Variants in MSL1 observed in about 807,000 individuals in gnomAD.
The protein encoded by MSL1 is male-specific lethal 1 homolog.
In MSL1, 21 loss-of-function variants were observed where a neutral mutation model predicts 64.6. The observed-to-expected ratio is 0.33, with a 90% CI of 0.23 to 0.47. The LOEUF is 0.47. Ranked by LOEUF, MSL1 falls within the 20% of genes least tolerant of loss-of-function variation. The pLI is 1.00. For synonymous variants in MSL1, 339 were observed against 329.6 expected (o/e 1.03, Z -0.31); for missense variants, 664 against 793.2 (o/e 0.84, Z 1.96).
intron 2 of MSL1, among the ~76,000 whole-genome samples, 193 bp from the exon 3 acceptor site, chr17:40,129,052 C>T (rs1176081422): frequency 6.6e-6 from 1 of 151,832 alleles, no homozygotes; most frequent in Non-Finnish European, 1.5e-5. Context: ...TTACTATGGG[C>T]CTATTTTATA....
At chr17:40,128,343 ATGTTGGCTAAAGGACCT>A (rs1327483213) in intron 2 of MSL1, among the ~76,000 whole-genome samples, 2 of 150,096 alleles carry the variant, frequency 1.3e-5, no homozygotes, top group Non-Finnish European at 3.0e-5. Flanking sequence ...GTGGTACATA[ATGTTGGCTAAAGGACCT>A]TGAATATTCT....
chr17:40,128,146 G>C (rs1988362394), intron 2 of MSL1, among the ~76,000 whole-genome samples: 1 of 152,078 alleles, frequency 6.6e-6, no homozygotes, highest in Non-Finnish European at 1.5e-5. Context: ...GGTTGGTAAA[G>C]AGGAAGGGAG....
chr17:40,126,122 A>C, intron 1 of MSL1, 61 bp from the exon 2 acceptor site: 1 of 1,454,946 alleles, frequency 6.9e-7, no homozygotes, highest in Non-Finnish European at 9.6e-7. Flanking sequence ...AAATGGGGCT[A>C]AGTATCTGTG....
Position 40,133,466 on chromosome 17 carries a change from T to C in MSL1, c.1557-68T>C. ...AGCATCTGGATTGTGTGAGTTGCTT[T>C]TATAGAGCAGGTTTTGGGTAAACAG... On this transcript the variant is annotated intron_variant, in intron 6 of 8. Transcript: ENST00000398532. The C allele has an allele frequency of 3.2e-6, 5 of 1,542,532 alleles. No individual in the cohort carries two copies. In the South Asian group the frequency reaches 4.9e-5, roughly 15 times the overall value.
intron 8 of MSL1, among the ~76,000 whole-genome samples, 168 bp from the exon 9 acceptor site, chr17:40,134,111 A>G (rs986565535): frequency 2.0e-5 from 3 of 152,224 alleles, no homozygotes; most frequent in African/African-American, 7.2e-5. Context: ...AGATGATTCC[A>G]TCACTTTAAT....
chr17:40,133,439 C>T, intron 6 of MSL1, 95 bp from the exon 7 acceptor site: 1 of 1,462,420 alleles, frequency 6.8e-7, no homozygotes, highest in African/African-American at 1.4e-5. Flanking sequence ...AAGGGTCTTC[C>T]TAGCATCTGG....
chr17:40,123,679 T>A (rs1988247496), intron 1 of MSL1, among the ~76,000 whole-genome samples: 1 of 151,980 alleles, frequency 6.6e-6, no homozygotes, highest in Non-Finnish European at 1.5e-5. Flanking sequence ...AAAGACGTGA[T>A]CTGTGAGGGG....
rs1202315365 is a variant in MSL1, at chr17:40,122,122, C to T, written c.-491C>T. On this transcript the variant is annotated 5_prime_UTR_variant, in exon 1 of 9. Coordinates refer to ENST00000398532, the MANE Select transcript of MSL1 (RefSeq NM_001365919.1). The surrounding 1 kb of genome is among the most constrained non-coding windows in gnomAD (Gnocchi z 4.2). ...GGGAGAGGCGACAGACCCCCTCTCC[C>T]GGAGTAGGAGGGCTTTGGGCGGACC... is the stretch of plus-strand genomic sequence containing the variant. 6.6e-6 allele frequency among the ~76,000 whole-genome samples: 1 copy of T among 151,044 alleles called. No homozygotes were observed. Among genetic ancestry groups the T allele is most frequent in the Non-Finnish European group, 1.5e-5 (1 of 67,604 alleles).
intron 1 of MSL1, among the ~76,000 whole-genome samples, chr17:40,125,824 A>G (rs933013531): frequency 6.6e-6 from 1 of 152,180 alleles, no homozygotes; most frequent in Non-Finnish European, 1.5e-5. Context: ...GTATACAATT[A>G]ATTCTGGAAA....
Position 40,131,702 on chromosome 17 carries a change from T to G in MSL1, c.1423+118T>G. On this transcript the variant is annotated intron_variant, in intron 4 of 8. Transcript: ENST00000398532. This position sits in a 1 kb window ranked among gnomAD's most constrained non-coding sequence, Gnocchi z 4.5. ...TGGGAGACTGAGATTTCTTGGTGTA[T>G]GATTGATTACACTACTATAGACTTC... 1 of 947,126 alleles carries G rather than the reference T, an allele frequency of 1.1e-6. No individual in the cohort carries two copies. Among genetic ancestry groups the G allele is most frequent in the South Asian group, 1.3e-5 (1 of 76,802 alleles). The allele number at this position is 947,126 out of a possible 1,614,324, so 58.7% of individuals were successfully genotyped here.
At chr17:40,126,986 C>G (rs1273621504) in intron 2 of MSL1, 1 of 152,742 alleles carries the variant, frequency 6.5e-6, no homozygotes, top group Non-Finnish European at 1.5e-5. Flanking sequence ...TAGCAGTTCA[C>G]TTCAAGTTAG....
chr17:40,131,869 G>A lies in MSL1; in HGVS notation c.1424-165G>A. The A allele has an allele frequency of 1.6e-6, 1 of 622,136 alleles. No individual in the cohort carries two copies. The highest frequency in any genetic ancestry group is 2.8e-6 in the Non-Finnish European group (1 of 354,786). The allele number at this position is 622,136 out of a possible 1,614,324, so 38.5% of individuals were successfully genotyped here. A position where few individuals can be genotyped will look rare whatever the true frequency, so the allele number is the denominator to read the frequency against. ...TTAGGTTCTTTTATACCATAGCAAGGACACTGAATATGGCTTCAGGGAGGC... is the reference window on the plus strand; with the variant it reads ...TTAGGTTCTTTTATACCATAGCAAGAACACTGAATATGGCTTCAGGGAGGC... On this transcript the variant is annotated intron_variant, in intron 4 of 8. Coordinates refer to ENST00000398532, the MANE Select transcript of MSL1 (RefSeq NM_001365919.1). The surrounding 1 kb of genome is among the most constrained non-coding windows in gnomAD (Gnocchi z 4.5).
chr17:40,131,548 C>T lies in MSL1; in HGVS notation c.1387C>T (p.Pro463Ser). The T allele has an allele frequency of 6.2e-7, 1 of 1,613,674 alleles. No individual in the cohort carries two copies. Among genetic ancestry groups the T allele is most frequent in the Non-Finnish European group, 8.5e-7 (1 of 1,179,722 alleles). The change falls in exon 4 of 9, where the codon CCA becomes TCA. Residue 463 changes from proline (P) to serine (S), a missense_variant. Coordinates refer to ENST00000398532, the MANE Select transcript of MSL1 (RefSeq NM_001365919.1). The surrounding 1 kb of genome is among the most constrained non-coding windows in gnomAD (Gnocchi z 4.5). ...KEETVARCLMPSSVAGETSVL... is the reference protein window; with the variant it reads ...KEETVARCLMSSSVAGETSVL... ...CCTGCATTATTTAGGGTGTCTGATGCCATCAAGTGTTGCAGGAGAAACTTC... is the reference window on the plus strand; with the variant it reads ...CCTGCATTATTTAGGGTGTCTGATGTCATCAAGTGTTGCAGGAGAAACTTC...
intron 8 of MSL1, 111 bp downstream of exon 8, chr17:40,134,010 C>CT (rs1988492880): frequency 1.0e-6 from 1 of 975,970 alleles, no homozygotes; most frequent in Admixed American, 2.1e-5. Context: ...AGCCATGGGT[C>CT]TTTGACAGAA....
In MSL1 at chr17:40,136,204, C is replaced by T. The variant is rs1988536909; in HGVS notation, c.*1835C>T. Reference sequence around the variant, plus strand: ...CTTGATTTCAGCATGTGTCGGGTTCCTAATTTTGGGTATGAGTTAGCAAAT... The same window carrying T: ...CTTGATTTCAGCATGTGTCGGGTTCTTAATTTTGGGTATGAGTTAGCAAAT... On this transcript the variant is annotated 3_prime_UTR_variant, in exon 9 of 9. Coordinates refer to ENST00000398532, the MANE Select transcript of MSL1 (RefSeq NM_001365919.1). 6.6e-6 allele frequency: 1 copy of T among 152,252 alleles called. No homozygotes were observed. Among genetic ancestry groups the T allele is most frequent in the South Asian group, 2.1e-4 (1 of 4,830 alleles). 9.4% of individuals were successfully genotyped at this position (152,252 alleles called of 1,614,324 possible).
intron 6 of MSL1, 94 bp downstream of exon 6, chr17:40,133,203 GA>G: frequency 8.8e-7 from 1 of 1,131,338 alleles, no homozygotes; most frequent in Non-Finnish European, 1.3e-6. Flanking sequence ...ATGCTGTGGA[GA>G]ATCTTGGAGT....
rs1390213909 is a variant in MSL1 at position 40,132,118 on chromosome 17, C to T, written c.1488+20C>T. The T allele has an allele frequency of 1.9e-6, 3 of 1,552,584 alleles. No homozygotes were observed. In the Admixed American group the frequency reaches 5.3e-5, roughly 27 times the overall value. On this transcript the variant is annotated intron_variant, in intron 5 of 8. Coordinates refer to ENST00000398532, the MANE Select transcript of MSL1 (RefSeq NM_001365919.1). ...TTGGAGGTAGGTAACCAAGAGCACT[C>T]AATTGAAGAGAGTAAGAGATTAAAT...
chr17:40,127,993 A>G (rs1419017727), intron 2 of MSL1, among the ~76,000 whole-genome samples: 1 of 152,078 alleles, frequency 6.6e-6, no homozygotes, highest in Non-Finnish European at 1.5e-5. Flanking sequence ...TGTGGTGCAT[A>G]CACCTGTAGT....
intron 1 of MSL1, among the ~76,000 whole-genome samples, chr17:40,123,781 G>A (rs1988250288): frequency 6.6e-6 from 1 of 152,146 alleles, no homozygotes; most frequent in Admixed American, 6.5e-5. Flanking sequence ...GTGGAGGAGA[G>A]GGCTGTAGCA....
Sources: allele counts gnomAD v4.1 joint callset (sites outside exome capture counted in the v4.1 genomes callset), GRCh38; gene constraint gnomAD v4.1.1; non-coding constraint Gnocchi (gnomAD v3.1); transcripts MANE v1.5; gene names NCBI Gene and HGNC (gene_info 2026-07-23, HGNC 2026-07-21).